The following FAR2 variants were observed in gnomAD, a reference collection of about 807,000 sequenced individuals.
The protein encoded by FAR2 is epididymis secretory protein Li 81.
A neutral mutation model predicts 56.0 loss-of-function variants in FAR2; 19 were observed. The observed-to-expected ratio is 0.34, with a 90% CI of 0.24 to 0.50. FAR2 has a LOEUF of 0.50. FAR2 is among the 20% of genes least tolerant of loss of function. The pLI, the probability that FAR2 is intolerant of heterozygous loss-of-function variation, is 0.98. For synonymous variants in FAR2, 219 were observed against 218.8 expected, an observed-to-expected ratio of 1.00 and a Z score of -0.01; for missense variants, 508 against 642.2, an observed-to-expected ratio of 0.79 and a Z score of 2.26.
intron 1 of FAR2, among the ~76,000 whole-genome samples, chr12:29,190,204 G>A (rs1273133070): frequency 6.6e-6 from 1 of 152,090 alleles, no homozygotes. Context: ...TAGGAGTGTG[G>A]AGCTCCTGCG....
chr12:29,218,834 G>C (rs1031909825), intron 1 of FAR2, among the ~76,000 whole-genome samples: 1 of 152,014 alleles, frequency 6.6e-6, no homozygotes, highest in African/African-American at 2.4e-5. Context: ...GAAGATAATG[G>C]AATGATATAT....
At chr12:29,323,321 G>A (rs1949584063) in intron 10 of FAR2, among the ~76,000 whole-genome samples, 1 of 152,222 alleles carries the variant, frequency 6.6e-6, no homozygotes, top group Admixed American at 6.5e-5. Flanking sequence ...ACCTCTGGGG[G>A]CAGGGCACAG....
chr12:29,311,739 A>G, intron 7 of FAR2, 144 bp from the exon 8 acceptor site: 1 of 595,554 alleles, frequency 1.7e-6, no homozygotes, highest in Non-Finnish European at 3.0e-6. Flanking sequence ...ACCCAGAGAA[A>G]GAATGAACGA....
At chr12:29,269,248 T>C (rs1948573574) in intron 1 of FAR2, among the ~76,000 whole-genome samples, 1 of 152,160 alleles carries the variant, frequency 6.6e-6, no homozygotes, top group African/African-American at 2.4e-5. Flanking sequence ...GCGCGTATTC[T>C]CCTTCTCAGG....
chr12:29,191,459 T>C (rs1438440291), intron 1 of FAR2, among the ~76,000 whole-genome samples: 2 of 152,262 alleles, frequency 1.3e-5, no homozygotes, highest in Non-Finnish European at 2.9e-5. Flanking sequence ...GACATCACCA[T>C]TGAGACAGTA....
chr12:29,264,659 A>AGG (rs3067334), intron 1 of FAR2, among the ~76,000 whole-genome samples: 94 of 86,084 alleles, frequency 1.1e-3, no homozygotes, highest in Middle Eastern at 0.013. Context: ...AAATAAATAA[A>AGG]GGAGAGAGAG....
intron 1 of FAR2, among the ~76,000 whole-genome samples, chr12:29,213,608 T>C (rs546325701): frequency 1.1e-3 from 171 of 149,794 alleles, no homozygotes; most frequent in African/African-American, 3.5e-3. Flanking sequence ...GGGAATCGCT[T>C]GAATCCGGGA....
At chr12:29,276,929 G>A (rs1373619391) in intron 2 of FAR2, among the ~76,000 whole-genome samples, 1 of 151,062 alleles carries the variant, frequency 6.6e-6, no homozygotes, top group Non-Finnish European at 1.5e-5. Flanking sequence ...GGGCAACAGA[G>A]TGAAACTCTG....
chr12:29,312,005 A>G (rs1949360581), intron 8 of FAR2, 55 bp downstream of exon 8: 2 of 1,311,624 alleles, frequency 1.5e-6, no homozygotes, highest in Admixed American at 4.0e-5. Flanking sequence ...ACAGAGAAAA[A>G]GTTGACAAAG....
chr12:29,191,775 G>A (rs1950104452), intron 1 of FAR2, among the ~76,000 whole-genome samples: 1 of 152,132 alleles, frequency 6.6e-6, no homozygotes, highest in African/African-American at 2.4e-5. Context: ...TGGTGTATGC[G>A]GCTTTGCTTC....
At chr12:29,263,599 G>A (rs1187096646) in intron 1 of FAR2, among the ~76,000 whole-genome samples, 1 of 151,598 alleles carries the variant, frequency 6.6e-6, no homozygotes. Flanking sequence ...AATGAAAATG[G>A]AAACACAGCA....
At chr12:29,295,900 C>T (rs941009017) in intron 3 of FAR2, among the ~76,000 whole-genome samples, 2 of 150,660 alleles carry the variant, frequency 1.3e-5, no homozygotes, top group African/African-American at 4.9e-5. Context: ...TCCCGAGTAG[C>T]TGGGACTACA....
chr12:29,298,036 C>CAAAAAAAAAAA (rs71042980), intron 4 of FAR2, among the ~76,000 whole-genome samples: 2 of 123,598 alleles, frequency 1.6e-5, no homozygotes, highest in Non-Finnish European at 3.5e-5. Flanking sequence ...AACTCCGTCT[C>CAAAAAAAAAAA]AAAAAAAAAA....
intron 1 of FAR2, among the ~76,000 whole-genome samples, chr12:29,190,796 C>T (rs1950097337): frequency 6.6e-6 from 1 of 152,008 alleles, no homozygotes; most frequent in African/African-American, 2.4e-5. Flanking sequence ...GAGATGTCCG[C>T]ATCACACATT....
At chr12:29,175,708 T>G (rs1949931621) in intron 1 of FAR2, among the ~76,000 whole-genome samples, 1 of 152,204 alleles carries the variant, frequency 6.6e-6, no homozygotes, top group Non-Finnish European at 1.5e-5. Context: ...CACAGAGTGC[T>G]GATTTGGTGC....
At chr12:29,226,325 G>C (rs937032722) in intron 1 of FAR2, among the ~76,000 whole-genome samples, 1 of 152,140 alleles carries the variant, frequency 6.6e-6, no homozygotes, top group African/African-American at 2.4e-5. Flanking sequence ...CTATAGCCCA[G>C]GCTGTGTTCT....
intron 10 of FAR2, among the ~76,000 whole-genome samples, chr12:29,322,895 CG>C (rs1485324172): frequency 1.3e-5 from 2 of 152,180 alleles, no homozygotes; most frequent in Non-Finnish European, 2.9e-5. Context: ...GGTGAGGCGA[CG>C]CCTTGCCCTG....
At chr12:29,255,358 C>G (rs1187983587) in intron 1 of FAR2, among the ~76,000 whole-genome samples, 25 of 152,164 alleles carry the variant, frequency 1.6e-4, no homozygotes, top group Non-Finnish European at 1.5e-5. Flanking sequence ...ACCCTGGTGA[C>G]CTCATTTAAC....
chr12:29,252,976 C>G (rs1258834086), intron 1 of FAR2, among the ~76,000 whole-genome samples: 1 of 152,016 alleles, frequency 6.6e-6, no homozygotes, highest in Non-Finnish European at 1.5e-5. Flanking sequence ...TGGGCCTCAT[C>G]CAATCTGTTG....
Sources: gnomAD v4.1 joint callset for allele counts (sites outside exome capture counted in the v4.1 genomes callset) on GRCh38, gnomAD v4.1.1 for gene constraint, MANE v1.5 for transcripts, NCBI Gene and HGNC (gene_info 2026-07-23, HGNC 2026-07-21) for gene names.